TAFA1: variants seen among roughly 807,000 people sequenced by gnomAD.
TAFA1 encodes chemokine-like protein TAFA-1.
In TAFA1, 4 loss-of-function variants were observed where a neutral mutation model predicts 18.5. The observed-to-expected ratio is 0.22, with a 90% CI of 0.11 to 0.49. TAFA1 has a LOEUF of 0.49. Among genes scored for constraint, TAFA1 ranks in the 20% least tolerant of loss-of-function variants. TAFA1 has a pLI of 0.98. For missense variants in TAFA1, 147 were observed against 169.0 expected, an observed-to-expected ratio of 0.87 and a Z score of 0.72; for synonymous variants, 56 against 55.2, an observed-to-expected ratio of 1.01 and a Z score of -0.06.
intron 2 of TAFA1, among the ~76,000 whole-genome samples, chr3:68,125,401 G>A (rs946577284): frequency 1.8e-4 from 27 of 152,166 alleles, no homozygotes; most frequent in African/African-American, 5.3e-4. Context: ...ACTGCTGCTC[G>A]TTGTTTTGAA....
chr3:68,471,924 T>G (rs1160626170), intron 3 of TAFA1, among the ~76,000 whole-genome samples: 1 of 152,196 alleles, frequency 6.6e-6, no homozygotes, highest in East Asian at 1.9e-4. Context: ...TAACTTGCTT[T>G]TGATTTTACA....
At chr3:68,132,246 A>G (rs2065549172) in intron 2 of TAFA1, among the ~76,000 whole-genome samples, 1 of 152,214 alleles carries the variant, frequency 6.6e-6, no homozygotes, top group Non-Finnish European at 1.5e-5. Flanking sequence ...TCCGTGGTGT[A>G]TATGTACCAC....
chr3:68,155,895 C>A (rs941891207), intron 2 of TAFA1, among the ~76,000 whole-genome samples: 2 of 152,112 alleles, frequency 1.3e-5, no homozygotes, highest in African/African-American at 4.8e-5. Flanking sequence ...GCTTCAGTTA[C>A]AATTACTAAT....
intron 2 of TAFA1, among the ~76,000 whole-genome samples, chr3:68,217,173 C>T (rs2066670381): frequency 6.6e-6 from 1 of 151,984 alleles, no homozygotes; most frequent in African/African-American, 2.4e-5. Context: ...GCAGTTTTCA[C>T]CATTATTCTT....
intron 2 of TAFA1, among the ~76,000 whole-genome samples, chr3:68,408,398 A>T (rs2070652410): frequency 6.6e-6 from 1 of 152,146 alleles, no homozygotes; most frequent in Admixed American, 6.6e-5. Flanking sequence ...CCCCAACCAA[A>T]ATCCCAAGTT....
intron 2 of TAFA1, among the ~76,000 whole-genome samples, chr3:68,150,028 T>A (rs181407708): frequency 6.6e-6 from 1 of 152,220 alleles, no homozygotes; most frequent in South Asian, 2.1e-4. Flanking sequence ...TCTCTTGTGC[T>A]GAGAGGCAAA....
intron 2 of TAFA1, among the ~76,000 whole-genome samples, chr3:68,403,423 T>A (rs2070535415): frequency 6.6e-6 from 1 of 152,126 alleles, no homozygotes; most frequent in African/African-American, 2.4e-5. Context: ...TTTGCAGGAG[T>A]TACTCAGGGA....
chr3:68,317,716 C>A (rs1297018930), intron 2 of TAFA1, among the ~76,000 whole-genome samples: 18 of 152,138 alleles, frequency 1.2e-4, no homozygotes, highest in Admixed American at 1.2e-3. Context: ...AATGGGATGA[C>A]TTTATTCAAA....
At chr3:68,249,171 G>T (rs2067142658) in intron 2 of TAFA1, among the ~76,000 whole-genome samples, 1 of 152,104 alleles carries the variant, frequency 6.6e-6, no homozygotes, top group Non-Finnish European at 1.5e-5. Context: ...AAAAGAAACA[G>T]ATTTGCTCAG....
chr3:68,418,774 T>C lies in TAFA1; in HGVS notation c.259+1354T>C, dbSNP rs75057163. Reference sequence around the variant, plus strand: ...AATTGTCCTGAGTCCTCAGTATGGATCAAACCCTGTGCTAAACACTTCTCA... The same window carrying C: ...AATTGTCCTGAGTCCTCAGTATGGACCAAACCCTGTGCTAAACACTTCTCA... On this transcript the variant is annotated intron_variant, in intron 3 of 4. Coordinates refer to ENST00000478136, the MANE Select transcript of TAFA1 (RefSeq NM_213609.4). Among the ~76,000 whole-genome samples the C allele has an allele frequency of 6.7e-3, 1,026 of 152,260 alleles. 4 individuals are homozygous for C. Among genetic ancestry groups the C allele is most frequent in the Non-Finnish European group, 0.011 (722 of 68,016 alleles).
chr3:68,292,602 C>A (rs762911817), intron 2 of TAFA1, among the ~76,000 whole-genome samples: 1 of 152,180 alleles, frequency 6.6e-6, no homozygotes, highest in Admixed American at 6.5e-5. Context: ...TCACAGCTCA[C>A]CACAGCCTCG....
chr3:68,425,525 C>T (rs2071035791), intron 3 of TAFA1, among the ~76,000 whole-genome samples: 2 of 151,880 alleles, frequency 1.3e-5, no homozygotes, highest in African/African-American at 4.8e-5. Context: ...TGCAAATCCT[C>T]CTTGAAACAG....
At chr3:68,316,377 TA>T (rs950076026) in intron 2 of TAFA1, among the ~76,000 whole-genome samples, 2 of 152,050 alleles carry the variant, frequency 1.3e-5, no homozygotes, top group Admixed American at 1.3e-4. Flanking sequence ...TACCCTCAGG[TA>T]AAAAAAGGAA....
intron 2 of TAFA1, among the ~76,000 whole-genome samples, chr3:68,146,320 T>C (rs1463755230): frequency 1.3e-5 from 2 of 152,074 alleles, no homozygotes. Context: ...AAGGTGTAGA[T>C]GAGGAAGTTT....
intron 2 of TAFA1, among the ~76,000 whole-genome samples, chr3:68,088,235 A>AAT (rs1200912694): frequency 1.3e-5 from 2 of 152,214 alleles, no homozygotes; most frequent in Non-Finnish European, 2.9e-5. Flanking sequence ...GCTGAAAAAT[A>AAT]ATATAGCAAT....
intron 2 of TAFA1, among the ~76,000 whole-genome samples, chr3:68,134,909 C>G (rs2065588462): frequency 6.6e-6 from 1 of 152,164 alleles, no homozygotes; most frequent in African/African-American, 2.4e-5. Context: ...ATAATAGTGG[C>G]TTAAATAAGA....
rs2066451290 is a variant in TAFA1 at position 68,199,782 on chromosome 3, G to T, written c.118+193038G>T. On this transcript the variant is annotated intron_variant, in intron 2 of 4. Transcript: ENST00000478136. ...TCTTTTGGATTTTCTACATAATCAT[G>T]CCATTTGAGAACAAAGAGTTTTATT... Among the ~76,000 whole-genome samples, 4 of 151,356 alleles carry T rather than the reference G, an allele frequency of 2.6e-5. 1 individual carries two copies. In the South Asian group the frequency reaches 8.3e-4, roughly 31 times the overall value.
chr3:68,339,620 C>G (rs147667918), intron 2 of TAFA1, among the ~76,000 whole-genome samples: 1 of 152,192 alleles, frequency 6.6e-6, no homozygotes. Flanking sequence ...GATAGAACTA[C>G]ATTTTTGCAG....
intron 2 of TAFA1, among the ~76,000 whole-genome samples, chr3:68,126,567 T>G (rs2065467458): frequency 6.6e-6 from 1 of 152,228 alleles, no homozygotes; most frequent in South Asian, 2.1e-4. Flanking sequence ...TATAAATGTT[T>G]TATAAGTCAG....
Sources: allele counts gnomAD v4.1 joint callset (sites outside exome capture counted in the v4.1 genomes callset), GRCh38; gene constraint gnomAD v4.1.1; transcripts MANE v1.5; gene names NCBI Gene and HGNC (gene_info 2026-07-23, HGNC 2026-07-21).